ADAMTS18: variants seen among roughly 807,000 people sequenced by gnomAD.
ADAMTS18 encodes ADAM metallopeptidase with thrombospondin type 1 motif 18.
Under a neutral mutation model 165.9 loss-of-function variants are expected in ADAMTS18, and 157 were observed. The observed-to-expected ratio is 0.95, with a 90% CI of 0.83 to 1.08. ADAMTS18 has a LOEUF of 1.08. Ranked by LOEUF, ADAMTS18 falls within the 50% of genes least tolerant of loss-of-function variation. ADAMTS18 has a pLI of 0.00. For missense variants in ADAMTS18, 2,040 were observed against 1,534.0 expected (o/e 1.33, Z -5.51); for synonymous variants, 782 against 578.2 (o/e 1.35, Z -5.06).
In ADAMTS18 at chr16:77,284,338, G is replaced by A. The variant is rs113598447; in HGVS notation, c.3551-267C>T. Among the ~76,000 whole-genome samples the A allele has an allele frequency of 6.8e-3, 1,034 of 152,182 alleles. 12 individuals carry two copies. The highest frequency in any genetic ancestry group is 0.023 in the African/African-American group (950 of 41,502). ...ACGGGGTTTTCCACCATGCTGGCCAGGCTGGTCTCAAATTCCTGAGCTCAA... is the reference window on the plus strand; with the variant it reads ...ACGGGGTTTTCCACCATGCTGGCCAAGCTGGTCTCAAATTCCTGAGCTCAA... On this transcript the variant is annotated intron_variant, in intron 22 of 22. Coordinates refer to ENST00000282849, the MANE Select transcript of ADAMTS18 (RefSeq NM_199355.4).
chr16:77,395,527 T>G (rs985674525), intron 3 of ADAMTS18, among the ~76,000 whole-genome samples: 8 of 152,152 alleles, frequency 5.3e-5, no homozygotes, highest in Non-Finnish European at 5.9e-5. Flanking sequence ...ACCTTTTCCC[T>G]CAGGGCTGCG....
chr16:77,431,031 TGGGG>T (rs2057732634), intron 3 of ADAMTS18, among the ~76,000 whole-genome samples: 1 of 152,020 alleles, frequency 6.6e-6, no homozygotes, highest in Non-Finnish European at 1.5e-5. Flanking sequence ...TTAATTTCCT[TGGGG>T]ATCATCTCAA....
intron 12 of ADAMTS18, among the ~76,000 whole-genome samples, chr16:77,334,758 GTA>G (rs1567491959): frequency 9.9e-6 from 1 of 101,332 alleles, no homozygotes; most frequent in African/African-American, 3.8e-5. Context: ...GTATACTATA[GTA>G]TACAGTATAT....
At chr16:77,422,693 A>T (rs2057619138) in intron 3 of ADAMTS18, among the ~76,000 whole-genome samples, 1 of 152,156 alleles carries the variant, frequency 6.6e-6, no homozygotes, top group African/African-American at 2.4e-5. Context: ...TAGGAAGATT[A>T]TTCCAGAGCC....
intron 13 of ADAMTS18, 22 bp from the exon 14 acceptor site, chr16:77,322,488 T>C (rs1215013510): frequency 1.9e-6 from 3 of 1,613,254 alleles, no homozygotes; most frequent in Admixed American, 1.7e-5. Context: ...GAGATCAAGA[T>C]AGGAAATGGT....
chr16:77,363,701 A>T (rs1249083378), intron 6 of ADAMTS18, 101 bp downstream of exon 6: 1 of 1,046,358 alleles, frequency 9.6e-7, no homozygotes, highest in African/African-American at 1.6e-5. Context: ...AAATTTGAGC[A>T]GCTAACGACT....
intron 2 of ADAMTS18, among the ~76,000 whole-genome samples, chr16:77,432,737 C>G (rs1005845537): frequency 1.3e-5 from 2 of 151,040 alleles, no homozygotes; most frequent in Non-Finnish European, 1.5e-5. Context: ...TTCTCTTTTC[C>G]CTAAACAGTC....
intron 22 of ADAMTS18, among the ~76,000 whole-genome samples, chr16:77,287,592 C>T (rs746515348): frequency 7.9e-5 from 12 of 152,112 alleles, no homozygotes; most frequent in Admixed American, 1.3e-4. Flanking sequence ...ATCCTCCCAC[C>T]TCCCCAGTAG....
At chr16:77,310,084 G>T (rs2055752348) in intron 16 of ADAMTS18, among the ~76,000 whole-genome samples, 1 of 152,192 alleles carries the variant, frequency 6.6e-6, no homozygotes, top group African/African-American at 2.4e-5. Flanking sequence ...GAGGATTTCA[G>T]TGCTGAAATG....
intron 17 of ADAMTS18, 75 bp downstream of exon 17, chr16:77,300,188 G>A (rs370453118): frequency 4.5e-6 from 7 of 1,569,816 alleles, no homozygotes; most frequent in Non-Finnish European, 6.1e-6. Context: ...ACCATATTAT[G>A]TTAAAGACGC....
intron 22 of ADAMTS18, among the ~76,000 whole-genome samples, chr16:77,284,676 T>C (rs933622825): frequency 1.3e-5 from 2 of 152,168 alleles, no homozygotes; most frequent in Non-Finnish European, 2.9e-5. Flanking sequence ...AAGATCAATG[T>C]CTGATCCTCC....
chr16:77,347,174 T>G (rs2056489993), intron 10 of ADAMTS18, among the ~76,000 whole-genome samples: 1 of 152,240 alleles, frequency 6.6e-6, no homozygotes, highest in East Asian at 1.9e-4. Context: ...CAGCAAAATC[T>G]AATCTGCTTG....
At chr16:77,362,386 G>C (rs574040287) in intron 6 of ADAMTS18, 122 bp from the exon 7 acceptor site, 3 of 1,090,982 alleles carry the variant, frequency 2.7e-6, no homozygotes, top group African/African-American at 3.1e-5. Flanking sequence ...GTAAACACTT[G>C]AGCTAAGGTA....
intron 3 of ADAMTS18, among the ~76,000 whole-genome samples, chr16:77,412,738 G>C (rs995525371): frequency 6.6e-6 from 1 of 152,084 alleles, no homozygotes; most frequent in Non-Finnish European, 1.5e-5. Context: ...GATCACATGA[G>C]ACTTATTCAC....
Position 77,322,446 on chromosome 16 carries a change from A to G in ADAMTS18, c.2053T>C (p.Tyr685His). 6.2e-7 allele frequency: 1 copy of G among 1,614,082 alleles called. No homozygotes were observed. Among genetic ancestry groups the G allele is most frequent in the Non-Finnish European group, 8.5e-7 (1 of 1,179,972 alleles). The change falls in exon 14 of 23, where the codon TAC becomes CAC. Residue 685 changes from tyrosine to histidine, a missense_variant. Transcript: ENST00000282849. Reference sequence around the variant, plus strand: ...AATTCAAAGTTCTCAGCCTTGCAGTACAGTTTGCATCGATCTTCCTCTAGA... The same window carrying G: ...AATTCAAAGTTCTCAGCCTTGCAGTGCAGTTTGCATCGATCTTCCTCTAGA... ...KVEEEDRCKLYCKAENFEFFF... is the reference protein window; with the variant it reads ...KVEEEDRCKLHCKAENFEFFF...
chr16:77,393,444 T>C (rs927300874), intron 3 of ADAMTS18, among the ~76,000 whole-genome samples: 4 of 152,194 alleles, frequency 2.6e-5, no homozygotes, highest in African/African-American at 9.6e-5. Context: ...GCTGCTATGA[T>C]CTGAATGTTT....
chr16:77,320,646 A>G (rs1409819234), intron 15 of ADAMTS18, among the ~76,000 whole-genome samples: 1 of 152,132 alleles, frequency 6.6e-6, no homozygotes, highest in Non-Finnish European at 1.5e-5. Flanking sequence ...CTCAAAAAAA[A>G]AAAATCTGTC....
rs752488739 is a variant in ADAMTS18, at chr16:77,295,124, C to G, written c.2805G>C (p.Trp935Cys). 4 of 1,614,134 alleles carry G rather than the reference C, an allele frequency of 2.5e-6. No homozygotes were observed. Among genetic ancestry groups the G allele is most frequent in the African/African-American group, 1.3e-5 (1 of 75,044 alleles). ...ICNAFSCPAY[W>C]MPGEWSTCSK... ...TGCATGTACTCCATTCACCTGGCAT[C>G]CAGCTTTCAGTGCAAAACAAACATT... The change falls in exon 19 of 23, where the codon TGG becomes TGC. Residue 935 changes from tryptophan to cysteine, a missense_variant. Physicochemically the swap from Trp to Cys is radical, Grantham distance 215. Coordinates refer to ENST00000282849, the MANE Select transcript of ADAMTS18 (RefSeq NM_199355.4).
chr16:77,405,058 T>C (rs1240730000), intron 3 of ADAMTS18, among the ~76,000 whole-genome samples: 1 of 152,162 alleles, frequency 6.6e-6, no homozygotes, highest in Non-Finnish European at 1.5e-5. Context: ...TTCAGAGTGA[T>C]TTTGGGCAGA....
Sources: gnomAD v4.1 joint callset for allele counts (sites outside exome capture counted in the v4.1 genomes callset) on GRCh38, gnomAD v4.1.1 for gene constraint, MANE v1.5 for transcripts, NCBI Gene and HGNC (gene_info 2026-07-23, HGNC 2026-07-21) for gene names.